The following MSRB2 variants were observed in gnomAD, a reference collection of about 807,000 sequenced individuals.
MSRB2 encodes the protein methionine sulfoxide reductase B2.
MSRB2 carries 17 observed loss-of-function variants against 19.0 expected under a neutral mutation model. That is an observed-to-expected ratio of 0.89 (90% CI 0.61 to 1.34). MSRB2 has a LOEUF of 1.34. Ranked by LOEUF, MSRB2 falls within the 40% of genes most tolerant of loss-of-function variation. MSRB2 has a pLI of 0.00. For synonymous variants in MSRB2, 107 were observed against 99.7 expected (o/e 1.07, Z -0.44); for missense variants, 208 against 237.6 (o/e 0.88, Z 0.82).
intron 4 of MSRB2, 82 bp from the exon 5 acceptor site, chr10:23,120,676 T>G: frequency 1.1e-5 from 11 of 1,018,580 alleles, no homozygotes; most frequent in Non-Finnish European, 1.6e-5. Context: ...AGTGGAGTGA[T>G]TTTGGGGGGG....
intron 2 of MSRB2, among the ~76,000 whole-genome samples, chr10:23,108,034 C>T (rs1840003515): frequency 1.3e-5 from 2 of 151,754 alleles, no homozygotes; most frequent in South Asian, 4.2e-4. Flanking sequence ...AATCTTGACC[C>T]ACTGCAACCT....
intron 3 of MSRB2, among the ~76,000 whole-genome samples, chr10:23,118,337 G>GTGTTTTTATTTTTTTTTTTTTTTTT (rs1840137310): frequency 1.1e-5 from 1 of 92,156 alleles, no homozygotes; most frequent in African/African-American, 4.4e-5. Context: ...TTAGTTTTTT[G>GTGTTTTTATTTTTTTTTTTTTTTTT]TTTTTTTTTT....
intron 2 of MSRB2, among the ~76,000 whole-genome samples, 197 bp downstream of exon 2, chr10:23,104,441 C>G (rs1182580160): frequency 2.0e-5 from 3 of 152,180 alleles, no homozygotes; most frequent in African/African-American, 7.2e-5. Context: ...CACAGCATCT[C>G]TATTCTGACT....
intron 3 of MSRB2, among the ~76,000 whole-genome samples, chr10:23,114,883 G>A (rs1294582407): frequency 6.6e-6 from 1 of 152,118 alleles, no homozygotes; most frequent in Non-Finnish European, 1.5e-5. Context: ...TAAGCCACAC[G>A]GGCAGCTCCG....
At chr10:23,106,823 G>A (rs935764889) in intron 2 of MSRB2, among the ~76,000 whole-genome samples, 5 of 152,150 alleles carry the variant, frequency 3.3e-5, no homozygotes, top group Non-Finnish European at 7.3e-5. Flanking sequence ...GATTTCCATT[G>A]GCCCCGTCTG....
chr10:23,115,067 T>C (rs1017489951), intron 3 of MSRB2, among the ~76,000 whole-genome samples: 2 of 152,170 alleles, frequency 1.3e-5, no homozygotes, highest in South Asian at 4.1e-4. Flanking sequence ...CTCCTCATCA[T>C]CCTATAATTG....
chr10:23,120,075 A>G (rs1840165193), intron 4 of MSRB2, among the ~76,000 whole-genome samples: 1 of 152,154 alleles, frequency 6.6e-6, no homozygotes, highest in African/African-American at 2.4e-5. Flanking sequence ...AGGGATAAGG[A>G]GCAGGAAGTC....
rs549987424 is a variant in MSRB2 at position 23,103,566 on chromosome 10, C to T, written c.119-578C>T. Among the ~76,000 whole-genome samples the T allele has an allele frequency of 5.8e-4, 89 of 152,250 alleles. 1 individual carries two copies. The South Asian group carries it at 0.015, about 25-fold the overall frequency. On this transcript the variant is annotated intron_variant, in intron 1 of 4. Coordinates refer to ENST00000376510, the MANE Select transcript of MSRB2 (RefSeq NM_012228.4). ...CAAAATATGGACAAAAACCATGAAG[C>T]ATCATAATAGATTATGGTAGGTCTG...
intron 1 of MSRB2, among the ~76,000 whole-genome samples, chr10:23,096,350 C>CTGTG (rs780651477): frequency 1.1e-4 from 7 of 61,718 alleles, no homozygotes; most frequent in South Asian, 1.1e-3. Flanking sequence ...CTCTCTCTCT[C>CTGTG]TCTGTGTGTG....
chr10:23,113,745 G>C (rs1007050763), intron 3 of MSRB2, among the ~76,000 whole-genome samples: 2 of 152,156 alleles, frequency 1.3e-5, no homozygotes, highest in Non-Finnish European at 2.9e-5. Context: ...GAGAAGCCCA[G>C]ACAGAGAGGA....
intron 2 of MSRB2, among the ~76,000 whole-genome samples, chr10:23,108,063 C>T (rs1283015222): frequency 2.0e-5 from 3 of 151,514 alleles, no homozygotes; most frequent in Non-Finnish European, 4.4e-5. Context: ...TGGGTTCAAG[C>T]GATTCTGCCT....
At chr10:23,111,400 G>A (rs1467576619) in intron 3 of MSRB2, among the ~76,000 whole-genome samples, 1 of 152,232 alleles carries the variant, frequency 6.6e-6, no homozygotes, top group Non-Finnish European at 1.5e-5. Context: ...ATAGAACCAT[G>A]CTGCCAGCGT....
chr10:23,110,775 G>A (rs951387575), intron 3 of MSRB2, among the ~76,000 whole-genome samples: 1 of 152,082 alleles, frequency 6.6e-6, no homozygotes, highest in Non-Finnish European at 1.5e-5. Context: ...TCCCCACAAT[G>A]CTTGACAGTA....
At chr10:23,102,877 G>GT (rs1839940587) in intron 1 of MSRB2, among the ~76,000 whole-genome samples, 1 of 152,088 alleles carries the variant, frequency 6.6e-6, no homozygotes, top group Admixed American at 6.5e-5. Flanking sequence ...AATACATTTT[G>GT]TTTTGTTCCC....
At chr10:23,111,124 C>T (rs974618335) in intron 3 of MSRB2, among the ~76,000 whole-genome samples, 13 of 152,310 alleles carry the variant, frequency 8.5e-5, no homozygotes, top group Middle Eastern at 3.4e-3. Context: ...CCTTCCTGCC[C>T]GGCTGGCTGC....
chr10:23,104,720 C>T (rs1190325897), intron 2 of MSRB2, among the ~76,000 whole-genome samples: 1 of 152,182 alleles, frequency 6.6e-6, no homozygotes, highest in African/African-American at 2.4e-5. Context: ...CACCCCTATC[C>T]TCAAATCCAG....
chr10:23,118,830 G>A (rs117812407), intron 3 of MSRB2, among the ~76,000 whole-genome samples: 1,990 of 152,288 alleles, frequency 0.013, 28 homozygotes, highest in Middle Eastern at 0.078. Flanking sequence ...TTGAATCCCT[G>A]GTCAGGCGTC....
chr10:23,106,474 T>C (rs1839987496), intron 2 of MSRB2, among the ~76,000 whole-genome samples: 1 of 152,192 alleles, frequency 6.6e-6, no homozygotes. Flanking sequence ...CTGTCTACTC[T>C]CCAGATCCAC....
In MSRB2 at chr10:23,104,033, G is replaced by A. The variant is rs150977881; in HGVS notation, c.119-111G>A. ...AATAAACTCGTGGGAGAGAGAGGAA[G>A]GGACTGGATTATTCTGCTGGGTGAC... is the stretch of plus-strand genomic sequence containing the variant. On this transcript the variant is annotated intron_variant, in intron 1 of 4. Coordinates refer to ENST00000376510, the MANE Select transcript of MSRB2 (RefSeq NM_012228.4). The A allele has an allele frequency of 1.1e-3, 785 of 718,686 alleles. 7 individuals carry two copies. The African/African-American group carries it at 0.012, about 11-fold the overall frequency. The allele number at this position is 718,686 out of a possible 1,614,324, so 44.5% of individuals were successfully genotyped here.
Sources: allele counts gnomAD v4.1 joint callset (sites outside exome capture counted in the v4.1 genomes callset), GRCh38; gene constraint gnomAD v4.1.1; transcripts MANE v1.5; gene names NCBI Gene and HGNC (gene_info 2026-07-23, HGNC 2026-07-21).